Variants in DOK5 observed in about 807,000 individuals in gnomAD.
DOK5 encodes docking protein 5, also known as downstream of tyrosine kinase 5.
In DOK5, 27 loss-of-function variants were observed where a neutral mutation model predicts 43.3. The observed-to-expected ratio is 0.62, with a 90% CI of 0.46 to 0.86. The LOEUF is 0.86. Ranked by LOEUF, DOK5 falls within the 40% of genes least tolerant of loss-of-function variation. DOK5 has a pLI of 0.00. For synonymous variants in DOK5, 146 were observed against 140.1 expected, an observed-to-expected ratio of 1.04 and a Z score of -0.30; for missense variants, 373 against 392.9, an observed-to-expected ratio of 0.95 and a Z score of 0.43.
intron 1 of DOK5, among the ~76,000 whole-genome samples, chr20:54,503,181 C>G (rs1982676707): frequency 6.6e-6 from 1 of 152,094 alleles, no homozygotes; most frequent in East Asian, 1.9e-4. Flanking sequence ...TTAATATATA[C>G]CTCTGAAATA....
At chr20:54,591,523 A>T (rs1237216707) in intron 4 of DOK5, 93 bp from the exon 5 acceptor site, 1 of 975,090 alleles carries the variant, frequency 1.0e-6, no homozygotes, top group Non-Finnish European at 1.5e-6. Context: ...TAGAATGTGA[A>T]CTTGAATTGT....
At chr20:54,615,219 A>G (rs1986768771) in intron 6 of DOK5, among the ~76,000 whole-genome samples, 1 of 152,188 alleles carries the variant, frequency 6.6e-6, no homozygotes, top group Non-Finnish European at 1.5e-5. Flanking sequence ...ATGACCCTCA[A>G]TCCCAAAACT....
chr20:54,615,742 T>G (rs1325977580), intron 6 of DOK5, among the ~76,000 whole-genome samples: 3 of 152,056 alleles, frequency 2.0e-5, no homozygotes, highest in Admixed American at 1.3e-4. Context: ...AAACCCTGTC[T>G]CTACTAAAAA....
intron 1 of DOK5, among the ~76,000 whole-genome samples, chr20:54,492,193 G>A (rs545078926): frequency 1.3e-5 from 2 of 152,182 alleles, no homozygotes; most frequent in East Asian, 3.9e-4. Flanking sequence ...TCCAACCCCA[G>A]ACTGGTCTCA....
At chr20:54,506,547 A>T (rs1982810845) in intron 1 of DOK5, among the ~76,000 whole-genome samples, 1 of 152,000 alleles carries the variant, frequency 6.6e-6, no homozygotes, top group South Asian at 2.1e-4. Context: ...CGCAGCCTCC[A>T]CCTCCTGGGT....
chr20:54,480,991 C>CATCTATCTATCT (rs147329351), intron 1 of DOK5, among the ~76,000 whole-genome samples: 14 of 143,268 alleles, frequency 9.8e-5, no homozygotes, highest in Non-Finnish European at 1.5e-4. Flanking sequence ...TATCATCTAT[C>CATCTATCTATCT]ATCTATCTAT....
chr20:54,544,500 C>T lies in DOK5; in HGVS notation c.67-10433C>T, dbSNP rs1310838091. On this transcript the variant is annotated intron_variant, in intron 1 of 7. Coordinates refer to ENST00000262593, the MANE Select transcript of DOK5 (RefSeq NM_018431.5). Reference sequence around the variant, plus strand: ...CTCAGAGATCATCCAGGCCAATGCCCTTGTGACTGCTCAATGGGTTCATTT... The same window carrying T: ...CTCAGAGATCATCCAGGCCAATGCCTTTGTGACTGCTCAATGGGTTCATTT... Among the ~76,000 whole-genome samples, 7 of 152,192 alleles carry T rather than the reference C, an allele frequency of 4.6e-5. No individual in the cohort carries two copies. The East Asian group carries it at 1.3e-3, about 29-fold the overall frequency.
At chr20:54,634,202 A>G (rs1463936213) in intron 6 of DOK5, among the ~76,000 whole-genome samples, 1 of 151,892 alleles carries the variant, frequency 6.6e-6, no homozygotes, top group Non-Finnish European at 1.5e-5. Flanking sequence ...GGGCTGATAG[A>G]ATTTTCTCAC....
chr20:54,566,854 G>C (rs6023363), intron 2 of DOK5, among the ~76,000 whole-genome samples: 17 of 151,976 alleles, frequency 1.1e-4, no homozygotes, highest in African/African-American at 4.1e-4. Flanking sequence ...TGGCCTCAAG[G>C]GATCCTCCCT....
At chr20:54,626,338 T>C (rs1205350957) in intron 6 of DOK5, among the ~76,000 whole-genome samples, 1 of 152,144 alleles carries the variant, frequency 6.6e-6, no homozygotes, top group Non-Finnish European at 1.5e-5. Context: ...GAGGGATAAT[T>C]AGAGTTGGAA....
chr20:54,597,174 G>A (rs1412793828), intron 5 of DOK5, among the ~76,000 whole-genome samples: 1 of 152,126 alleles, frequency 6.6e-6, no homozygotes, highest in East Asian at 1.9e-4. Context: ...AGGTCAAGAG[G>A]CTATTTGACT....
chr20:54,500,899 A>G (rs1047150191), intron 1 of DOK5, among the ~76,000 whole-genome samples: 3 of 152,126 alleles, frequency 2.0e-5, no homozygotes, highest in African/African-American at 7.2e-5. Context: ...TGTTGTAAAT[A>G]CTTCCCCAAA....
chr20:54,562,258 A>G lies in DOK5; in HGVS notation c.174+7218A>G, dbSNP rs1464215110. The stretch of plus-strand genomic sequence containing the variant: ...TGATTCTTGGCCTACTTATACTAGT[A>G]TTGCATAGTAGAAATGTTAGGGAAC... On this transcript the variant is annotated intron_variant, in intron 2 of 7. Coordinates refer to ENST00000262593, the MANE Select transcript of DOK5 (RefSeq NM_018431.5). 3.3e-5 allele frequency among the ~76,000 whole-genome samples: 5 copies of G among 152,152 alleles called. No individual in the cohort carries two copies. The South Asian group carries it at 1.0e-3, about 32-fold the overall frequency.
chr20:54,508,641 C>T (rs771900263), intron 1 of DOK5, among the ~76,000 whole-genome samples: 83 of 152,178 alleles, frequency 5.5e-4, no homozygotes, highest in Non-Finnish European at 1.0e-3. Context: ...AGTGCAATGG[C>T]GCGATCTTGG....
intron 2 of DOK5, among the ~76,000 whole-genome samples, chr20:54,574,662 A>G (rs1985398012): frequency 6.6e-6 from 1 of 152,206 alleles, no homozygotes; most frequent in African/African-American, 2.4e-5. Context: ...TATTAGTGAA[A>G]AGCATTGTGG....
intron 1 of DOK5, among the ~76,000 whole-genome samples, chr20:54,516,657 G>A (rs1248981248): frequency 6.6e-6 from 1 of 152,156 alleles, no homozygotes; most frequent in African/African-American, 2.4e-5. Context: ...GACCCCAGAT[G>A]TGTGCTTTAC....
chr20:54,607,283 C>G lies in DOK5; in HGVS notation c.600-3105C>G, dbSNP rs78794293. ...AGACAGGACCTGTGCTCTCTGCTAG[C>G]TGCGCTACCTCTACCCTAGGTCATA... On this transcript the variant is annotated intron_variant, in intron 5 of 7. Coordinates refer to ENST00000262593, the MANE Select transcript of DOK5 (RefSeq NM_018431.5). Among the ~76,000 whole-genome samples, 662 of 152,300 alleles carry G rather than the reference C, an allele frequency of 4.3e-3. 4 individuals are homozygous for G. The highest frequency in any genetic ancestry group is 0.015 in the African/African-American group (636 of 41,572).
chr20:54,627,129 G>T (rs1380848558), intron 6 of DOK5, among the ~76,000 whole-genome samples: 1 of 152,150 alleles, frequency 6.6e-6, no homozygotes, highest in Non-Finnish European at 1.5e-5. Context: ...AAGAATATCA[G>T]ATTTTTTGCC....
At chr20:54,566,624 C>G (rs1985107271) in intron 2 of DOK5, among the ~76,000 whole-genome samples, 1 of 152,022 alleles carries the variant, frequency 6.6e-6, no homozygotes, top group South Asian at 2.1e-4. Context: ...TTTAGTCATT[C>G]TTTTCTTTTT....
Sources: allele counts gnomAD v4.1 joint callset (sites outside exome capture counted in the v4.1 genomes callset), GRCh38; gene constraint gnomAD v4.1.1; transcripts MANE v1.5; gene names NCBI Gene and HGNC (gene_info 2026-07-23, HGNC 2026-07-21).